The following ZC3H3 variants were observed in gnomAD, a reference collection of about 807,000 sequenced individuals.
ZC3H3 encodes the protein zinc finger CCCH domain-containing protein 3.
In ZC3H3, 36 loss-of-function variants were observed where a neutral mutation model predicts 77.3. The observed-to-expected ratio is 0.47, with a 90% confidence interval of 0.36 to 0.61. The LOEUF (loss-of-function observed/expected upper bound fraction) is 0.61, where lower values mean the gene tolerates loss of function less well. Ranked by LOEUF, ZC3H3 falls within the 20% of genes least tolerant of loss-of-function variation. The pLI is 0.00. For synonymous variants in ZC3H3, 626 were observed against 555.2 expected, an observed-to-expected ratio of 1.13 and a Z score of -1.79; for missense variants, 1,331 against 1,312.2, an observed-to-expected ratio of 1.01 and a Z score of -0.22.
chr8:143,536,882 G>A (rs1255686128), intron 2 of ZC3H3, among the ~76,000 whole-genome samples: 13 of 152,078 alleles, frequency 8.5e-5, no homozygotes, highest in African/African-American at 4.8e-5. Flanking sequence ...GCTTCTCCAC[G>A]CTCCCTCTCC....
chr8:143,465,999 C>T (rs990809364), intron 8 of ZC3H3, 151 bp from the exon 9 acceptor site: 11 of 1,164,522 alleles, frequency 9.4e-6, no homozygotes, highest in Non-Finnish European at 1.2e-5. Context: ...ACCTGCGGGG[C>T]AGGGAAGCTG....
intron 4 of ZC3H3, among the ~76,000 whole-genome samples, chr8:143,495,802 T>C (rs382832): frequency 0.027 from 4,119 of 150,212 alleles, 175 homozygotes; most frequent in African/African-American, 0.095. Flanking sequence ...GACGTCTCAC[T>C]ATGTTGCCCG....
intron 3 of ZC3H3, among the ~76,000 whole-genome samples, chr8:143,518,938 C>T (rs529359028): frequency 8.1e-4 from 123 of 152,346 alleles, no homozygotes; most frequent in Admixed American, 2.5e-3. Flanking sequence ...GGAAGCCCAT[C>T]CCCTCTCCTC....
chr8:143,452,043 G>C (rs1028983450), intron 9 of ZC3H3, among the ~76,000 whole-genome samples: 1 of 152,218 alleles, frequency 6.6e-6, no homozygotes, highest in Non-Finnish European at 1.5e-5. Context: ...GAAATGCCCA[G>C]AGGCACAGGC....
chr8:143,536,757 C>T (rs1205657365), intron 2 of ZC3H3, among the ~76,000 whole-genome samples: 1 of 152,168 alleles, frequency 6.6e-6, no homozygotes, highest in African/African-American at 2.4e-5. Context: ...TCCACCCCCT[C>T]CCCATCTGCC....
At chr8:143,445,326 A>G (rs1819838230) in intron 9 of ZC3H3, among the ~76,000 whole-genome samples, 1 of 151,732 alleles carries the variant, frequency 6.6e-6, no homozygotes, top group Admixed American at 6.6e-5. Context: ...GGCTGCAGTG[A>G]GCCCAGACTG....
chr8:143,445,497 C>T (rs1819844532), intron 9 of ZC3H3, among the ~76,000 whole-genome samples: 1 of 151,670 alleles, frequency 6.6e-6, no homozygotes, highest in Admixed American at 6.6e-5. Flanking sequence ...TCAGCCTGGG[C>T]AACACAGCAA....
intron 3 of ZC3H3, among the ~76,000 whole-genome samples, chr8:143,522,090 CCT>C (rs1183153702): frequency 6.6e-6 from 1 of 152,212 alleles, no homozygotes; most frequent in Non-Finnish European, 1.5e-5. Flanking sequence ...TGCTGAGCCC[CCT>C]GACGCCTGGT....
chr8:143,475,315 A>C, intron 5 of ZC3H3, 83 bp downstream of exon 5: 1 of 1,457,830 alleles, frequency 6.9e-7, no homozygotes, highest in Non-Finnish European at 9.2e-7. Context: ...AGCATGTTGG[A>C]GGTTAGGGGG....
chr8:143,519,631 G>A lies in ZC3H3; in HGVS notation c.1562-11732C>T, dbSNP rs566866477. On this transcript the variant is annotated intron_variant, in intron 3 of 11. Coordinates refer to ENST00000262577, the MANE Select transcript of ZC3H3 (RefSeq NM_015117.3). ...GCACCCGTGGGAAGGACAGGCGAGC[G>A]TGCCGTGCTGTGTGCGTGCACATGC... 8.5e-5 allele frequency among the ~76,000 whole-genome samples: 13 copies of A among 152,266 alleles called. 1 individual carries two copies. In the South Asian group the frequency reaches 1.0e-3, roughly 12 times the overall value.
intron 9 of ZC3H3, among the ~76,000 whole-genome samples, chr8:143,449,365 C>T (rs1457073211): frequency 1.3e-5 from 2 of 152,220 alleles, no homozygotes; most frequent in African/African-American, 4.8e-5. Flanking sequence ...TTTGCTCACA[C>T]ATATGAGCAC....
At chr8:143,442,309 C>T (rs1282994864) in intron 9 of ZC3H3, among the ~76,000 whole-genome samples, 3 of 151,654 alleles carry the variant, frequency 2.0e-5, no homozygotes, top group South Asian at 2.1e-4. Flanking sequence ...CACAGCGCCT[C>T]GCAGTGCTTT....
intron 3 of ZC3H3, among the ~76,000 whole-genome samples, 157 bp downstream of exon 3, chr8:143,536,096 CTCTA>C (rs1268811662): frequency 6.6e-6 from 1 of 152,230 alleles, no homozygotes; most frequent in Non-Finnish European, 1.5e-5. Flanking sequence ...GGGCCCTATC[CTCTA>C]TCTGCCAGCC....
At chr8:143,503,082 A>G (rs754371188) in intron 4 of ZC3H3, among the ~76,000 whole-genome samples, 10 of 152,212 alleles carry the variant, frequency 6.6e-5, no homozygotes, top group Non-Finnish European at 1.3e-4. Context: ...ACCCAGTCCC[A>G]TGCCTCAGCT....
chr8:143,496,077 G>C (rs983947269), intron 4 of ZC3H3, among the ~76,000 whole-genome samples: 1 of 152,232 alleles, frequency 6.6e-6, no homozygotes, highest in African/African-American at 2.4e-5. Context: ...TGAGCAGACA[G>C]ACTGAGGGTG....
At chr8:143,453,969 G>C (rs571281258) in intron 9 of ZC3H3, among the ~76,000 whole-genome samples, 1 of 152,286 alleles carries the variant, frequency 6.6e-6, no homozygotes, top group Non-Finnish European at 1.5e-5. Flanking sequence ...CTATATAGTG[G>C]TCCTCCCCTT....
chr8:143,460,179 CG>C lies in ZC3H3; in HGVS notation c.2307+5537del, dbSNP rs1820221170. 6.6e-6 allele frequency among the ~76,000 whole-genome samples: 1 copy of C among 151,628 alleles called. No homozygotes were observed. Among genetic ancestry groups the C allele is most frequent in the Admixed American group, 6.6e-5 (1 of 15,188 alleles). On this transcript the variant is annotated intron_variant, in intron 9 of 11. Transcript: ENST00000262577. This position sits in a 1 kb window ranked among gnomAD's most constrained non-coding sequence, Gnocchi z 4.0. Reference sequence around the variant, plus strand: ...AGGAGAATCACTCGAACCCGGGAGGCGGAAGTTGCAGTGAGCCGAGATCATG... The same window carrying C: ...AGGAGAATCACTCGAACCCGGGAGGCGAAGTTGCAGTGAGCCGAGATCATG...
chr8:143,497,592 T>C (rs960093576), intron 4 of ZC3H3, among the ~76,000 whole-genome samples: 1 of 152,110 alleles, frequency 6.6e-6, no homozygotes, highest in Admixed American at 6.5e-5. Flanking sequence ...TAGGCCAAGG[T>C]CTCAGTGGAG....
intron 3 of ZC3H3, among the ~76,000 whole-genome samples, chr8:143,532,851 C>A (rs539484076): frequency 1.5e-4 from 23 of 152,308 alleles, no homozygotes; most frequent in Admixed American, 9.8e-4. Context: ...GCCACGCCCA[C>A]CTCCCCTGCG....
Sources: allele counts gnomAD v4.1 joint callset (sites outside exome capture counted in the v4.1 genomes callset), GRCh38; gene constraint gnomAD v4.1.1; non-coding constraint Gnocchi (gnomAD v3.1); transcripts MANE v1.5; gene names NCBI Gene and HGNC (gene_info 2026-07-23, HGNC 2026-07-21).